The following ATRIP variants were observed in gnomAD, a reference collection of about 807,000 sequenced individuals.
ATRIP encodes ATR-interacting protein.
Under a neutral mutation model 78.1 loss-of-function variants are expected in ATRIP, and 44 were observed. That is an observed-to-expected ratio of 0.56 (90% CI 0.44 to 0.72). ATRIP has a LOEUF of 0.72. ATRIP is among the 30% of genes least tolerant of loss of function. The pLI is 0.00. For missense variants in ATRIP, 927 were observed against 980.2 expected (o/e 0.95, Z 0.72); for synonymous variants, 388 against 408.9 (o/e 0.95, Z 0.62).
chr3:48,446,898 C>T lies in ATRIP; in HGVS notation c.53C>T (p.Pro18Leu), dbSNP rs951709373. The T allele has an allele frequency of 2.2e-6, 3 of 1,389,044 alleles. No homozygotes were observed. The African/African-American group carries it at 4.5e-5, about 21-fold the overall frequency. The allele number at this position is 1,389,044 out of a possible 1,614,324, so 86.0% of individuals were successfully genotyped here. A position where few individuals can be genotyped will look rare whatever the true frequency, so the allele number is the denominator to read the frequency against. Residue 18 changes from proline (P) to leucine (L), a missense_variant, in exon 1 of 13, where the codon CCT (proline) becomes CTT (leucine). By Grantham distance (98) the Pro-to-Leu change is moderately conservative. Transcript: ENST00000320211. ...GSKRRSEPPA[P>L]RPGPPPGTGH... ...AAGAGGCGGAGCGAGCCCCCGGCGC[C>T]TCGCCCCGGCCCGCCGCCGGGCACC...
rs149275811 is a variant in ATRIP at position 48,460,539 on chromosome 3, A to G, written c.1485A>G (p.Leu495=). 9.9e-6 allele frequency: 16 copies of G among 1,613,946 alleles called. No homozygotes were observed. The highest frequency in any genetic ancestry group is 1.3e-5 in the African/African-American group (1 of 74,902). ...LVCHSGAVVS[L]LLSGVGADSA... is the part of the protein sequence containing the mutation. ...GCCACAGCGGAGCAGTCGTCTCCCTATTACTGTCAGGAGTGGGGGCAGATT... is the reference window on the plus strand; with the variant it reads ...GCCACAGCGGAGCAGTCGTCTCCCTGTTACTGTCAGGAGTGGGGGCAGATT... Residue 495 remains leucine (L), a synonymous_variant, in exon 8 of 13, where the codon CTA becomes CTG. Coordinates refer to ENST00000320211, the MANE Select transcript of ATRIP (RefSeq NM_130384.3).
In ATRIP at chr3:48,460,507, C is replaced by T. The variant is rs912751086; in HGVS notation, c.1453C>T (p.Leu485=). Reference sequence around the variant, plus strand: ...GACTGCACTTAGCATTCTTCAGCACCTGGTGTGCCACAGCGGAGCAGTCGT... The same window carrying T: ...GACTGCACTTAGCATTCTTCAGCACTTGGTGTGCCACAGCGGAGCAGTCGT... The part of the protein sequence containing the change: ...SVTALSILQH[L]VCHSGAVVSL... Residue 485 remains leucine, a synonymous_variant, in exon 8 of 13, where the codon CTG becomes TTG. Transcript: ENST00000320211. The T allele has an allele frequency of 1.2e-6, 2 of 1,612,980 alleles. No individual in the cohort carries two copies. The highest frequency in any genetic ancestry group is 8.5e-7 in the Non-Finnish European group (1 of 1,179,338).
Position 48,464,120 on chromosome 3 carries a change from G to T in ATRIP, c.1962G>T (p.Gln654His). 1 of 1,613,280 alleles carries T rather than the reference G, an allele frequency of 6.2e-7. No individual in the cohort carries two copies. Among genetic ancestry groups the T allele is most frequent in the South Asian group, 1.1e-5 (1 of 91,070 alleles). The change falls in exon 10 of 13, where the codon CAG becomes CAT. Residue 654 changes from glutamine (Q) to histidine (H), a missense_variant. Physicochemically the swap from Gln to His is conservative, Grantham distance 24 (BLOSUM62 0). Transcript: ENST00000320211. ...TGGCCTTGGAGACACAATGGCTCCAGCTGGAACAAGAGGTAAAAACTCCAG... is the reference window on the plus strand; with the variant it reads ...TGGCCTTGGAGACACAATGGCTCCATCTGGAACAAGAGGTAAAAACTCCAG... ...DRVALETQWL[Q>H]LEQEVVWLLA...
In ATRIP at chr3:48,466,828, C is replaced by T. The variant is rs745552589; in HGVS notation, c.*1274C>T. The T allele has an allele frequency of 2.5e-6, 4 of 1,613,980 alleles. No individual in the cohort carries two copies. In the East Asian group the frequency reaches 8.9e-5, roughly 36 times the overall value. ...TCTCAGGGGCCACCTCCCACAGTTC[C>T]TCCACCACCGCGTGTGGTAGACAAG... On this transcript the variant is annotated 3_prime_UTR_variant, in exon 13 of 13. Transcript: ENST00000320211.
rs2040299898 is a variant in ATRIP at position 48,466,438 on chromosome 3, G to A, written c.*884G>A. 1.4e-5 allele frequency: 22 copies of A among 1,612,508 alleles called. No homozygotes were observed. The highest frequency in any genetic ancestry group is 1.7e-5 in the Non-Finnish European group (20 of 1,179,554). Reference sequence around the variant, plus strand: ...GGGAGACCCTCTCAGACAGTCGAATGTGCTGGTCCCACTAAGGAAACCACC... The same window carrying A: ...GGGAGACCCTCTCAGACAGTCGAATATGCTGGTCCCACTAAGGAAACCACC... On this transcript the variant is annotated 3_prime_UTR_variant, in exon 13 of 13. Transcript: ENST00000320211.
At chr3:48,464,784 C>T (rs2040224453) in intron 11 of ATRIP, 47 bp from the exon 12 acceptor site, 1 of 1,601,094 alleles carries the variant, frequency 6.2e-7, no homozygotes, top group Non-Finnish European at 8.5e-7. Flanking sequence ...TGTTAGGGTG[C>T]AGGCCATGGT....
intron 4 of ATRIP, among the ~76,000 whole-genome samples, chr3:48,457,029 C>T (rs1329661250): frequency 6.6e-6 from 1 of 151,966 alleles, no homozygotes; most frequent in East Asian, 1.9e-4. Context: ...TTAGTGAATC[C>T]CCATCTCTAT....
At position 48,451,893 on chromosome 3, in the gene ATRIP, CAAA is replaced by C; in HGVS notation, c.549_551del (p.Lys184del). 1.2e-6 allele frequency: 2 copies of C among 1,601,602 alleles called. No homozygotes were observed. The highest frequency in any genetic ancestry group is 1.7e-6 in the Non-Finnish European group (2 of 1,173,630). On this transcript the variant is annotated inframe_deletion, in exon 3 of 13. Transcript: ENST00000320211. The stretch of plus-strand genomic sequence containing the variant: ...TCAGTGACAAGGAAAAGGAATTCTC[CAAA>C]AAGGTGACCCAGAGCATTTGTTTTG...
At chr3:48,458,161 T>A (rs1158696301) in intron 5 of ATRIP, among the ~76,000 whole-genome samples, 3 of 151,168 alleles carry the variant, frequency 2.0e-5, no homozygotes, top group East Asian at 3.9e-4. Context: ...CACTGCAACT[T>A]CCGCCTCCCG....
intron 10 of ATRIP, 116 bp from the exon 11 acceptor site, chr3:48,464,466 C>T: frequency 8.4e-7 from 1 of 1,193,296 alleles, no homozygotes; most frequent in Non-Finnish European, 1.2e-6. Flanking sequence ...TCTTGGACCC[C>T]ATTTGTGCAG....
In ATRIP at chr3:48,466,872, C is replaced by A; in HGVS notation, c.*1318C>A. 2.5e-6 allele frequency: 4 copies of A among 1,613,414 alleles called. No homozygotes were observed. The highest frequency in any genetic ancestry group is 3.4e-6 in the Non-Finnish European group (4 of 1,180,016). ...AGACAAGCTCTCCCTGTGTGTGGCT[C>A]CGGGGAAGGCCTGCAGCCCTGCAGC... is the stretch of plus-strand genomic sequence containing the variant. On this transcript the variant is annotated 3_prime_UTR_variant, in exon 13 of 13. Transcript: ENST00000320211.
Position 48,464,663 on chromosome 3 carries a change from G to A in ATRIP, c.2055+1G>A. 1.9e-6 allele frequency: 3 copies of A among 1,614,210 alleles called. No individual in the cohort carries two copies. The highest frequency in any genetic ancestry group is 2.5e-6 in the Non-Finnish European group (3 of 1,180,048). On this transcript the variant is annotated splice_donor_variant, in intron 11 of 12. Coordinates refer to ENST00000320211, the MANE Select transcript of ATRIP (RefSeq NM_130384.3). LOFTEE classifies it high-confidence loss of function. Reference sequence around the variant, plus strand: ...CTCCAACTGCCAGTGTAATGTGGAGGTGAGTGGGTAGGGGCCAACAGCTGG... The same window carrying A: ...CTCCAACTGCCAGTGTAATGTGGAGATGAGTGGGTAGGGGCCAACAGCTGG...
Position 48,446,807 on chromosome 3 carries a change from T to A in ATRIP, c.-39T>A, listed in dbSNP as rs1322902802. 2 of 1,374,028 alleles carry A rather than the reference T, an allele frequency of 1.5e-6. No individual in the cohort carries two copies. Among genetic ancestry groups the A allele is most frequent in the African/African-American group, 3.0e-5 (2 of 66,258 alleles). The allele number at this position is 1,374,028 out of a possible 1,614,324, so 85.1% of individuals were successfully genotyped here. Reference sequence around the variant, plus strand: ...TCTCCGGCCTGGCGGCAGGCAAGTCTAGCTCGGCGCTGTCGGATACTTGGG... The same window carrying A: ...TCTCCGGCCTGGCGGCAGGCAAGTCAAGCTCGGCGCTGTCGGATACTTGGG... On this transcript the variant is annotated 5_prime_UTR_variant, in exon 1 of 13. Transcript: ENST00000320211.
rs1293573488 is a variant in ATRIP at position 48,457,428 on chromosome 3, A to G, written c.829+12A>G. 1 of 1,524,444 alleles carries G rather than the reference A, an allele frequency of 6.6e-7. No individual in the cohort carries two copies. Among genetic ancestry groups the G allele is most frequent in the South Asian group, 1.3e-5 (1 of 76,466 alleles). The allele number at this position is 1,524,444 out of a possible 1,614,324, so 94.4% of individuals were successfully genotyped here. A position where few individuals can be genotyped will look rare whatever the true frequency, so the allele number is the denominator to read the frequency against. ...GGTGGGCAGAGAGGGTAAGTCCATT[A>G]GTCATCTATTGATGTATAACAAGCT... On this transcript the variant is annotated intron_variant, in intron 5 of 12. Transcript: ENST00000320211.
Position 48,459,933 on chromosome 3 carries a change from T to G in ATRIP, c.1055+17T>G, listed in dbSNP as rs779751870. The G allele has an allele frequency of 6.3e-7, 1 of 1,593,626 alleles. No homozygotes were observed. The highest frequency in any genetic ancestry group is 8.5e-7 in the Non-Finnish European group (1 of 1,174,444). On this transcript the variant is annotated intron_variant, in intron 7 of 12. Transcript: ENST00000320211. ...GTTTGGCAGGTAAGCATAAGACTCC[T>G]GGAAAGCTTGTTTGGGAAGGAGCTT...
Position 48,467,154 on chromosome 3 carries a change from AG to A in ATRIP, c.*1601del, listed in dbSNP as rs76642637. ...GCTGAAGGCCCTGGAGCGAGCAAGCAGCCCCTCAGAACACGGCCCAAGGAAG... is the reference window on the plus strand; with the variant it reads ...GCTGAAGGCCCTGGAGCGAGCAAGCACCCCTCAGAACACGGCCCAAGGAAG... On this transcript the variant is annotated 3_prime_UTR_variant, in exon 13 of 13. Transcript: ENST00000320211. 9 of 1,613,946 alleles carry A rather than the reference AG, an allele frequency of 5.6e-6. No individual in the cohort carries two copies. In the African/African-American group the frequency reaches 1.1e-4, roughly 19 times the overall value.
intron 12 of ATRIP, 54 bp from the exon 13 acceptor site, chr3:48,465,433 C>T: frequency 6.4e-7 from 1 of 1,559,696 alleles, no homozygotes; most frequent in Non-Finnish European, 8.8e-7. Flanking sequence ...TGGGACCTGC[C>T]CTAGGCCCTG....
chr3:48,460,173 A>G lies in ATRIP; in HGVS notation c.1119A>G (p.Ser373=). 6.2e-7 allele frequency: 1 copy of G among 1,614,024 alleles called. No individual in the cohort carries two copies. Among genetic ancestry groups the G allele is most frequent in the Non-Finnish European group, 8.5e-7 (1 of 1,180,030 alleles). The change falls in exon 8 of 13, where the codon TCA becomes TCG. Residue 373 remains serine (S), a synonymous_variant. Coordinates refer to ENST00000320211, the MANE Select transcript of ATRIP (RefSeq NM_130384.3). ...TGSYDGSFSL[S]ALREAQNLAF... ...CTTATGATGGGTCATTTTCCCTCTC[A>G]GCCCTGAGAGAAGCACAGAACCTGG...
chr3:48,459,520 C>T (rs2040042161), intron 6 of ATRIP, 66 bp downstream of exon 6: 2 of 1,500,258 alleles, frequency 1.3e-6, no homozygotes, highest in Admixed American at 1.7e-5. Context: ...GAAGAATTGC[C>T]CAGGCCTCTG....
Sources: gnomAD v4.1 joint callset for allele counts (sites outside exome capture counted in the v4.1 genomes callset) on GRCh38, gnomAD v4.1.1 for gene constraint, MANE v1.5 for transcripts, NCBI Gene and HGNC (gene_info 2026-07-23, HGNC 2026-07-21) for gene names.